Variants in PIGK observed in about 807,000 individuals in gnomAD.
The protein encoded by PIGK is GPI-anchor transamidase.
A neutral mutation model predicts 50.6 loss-of-function variants in PIGK; 42 were observed. That is an observed-to-expected ratio of 0.83 (90% confidence interval 0.65 to 1.07). PIGK has a LOEUF of 1.07. PIGK is among the 50% of genes least tolerant of loss of function. The pLI is 0.00. For missense variants in PIGK, 448 were observed against 488.7 expected, an observed-to-expected ratio of 0.92 and a Z score of 0.78; for synonymous variants, 151 against 156.0, an observed-to-expected ratio of 0.97 and a Z score of 0.24.
chr1:77,205,893 A>T (rs1295802889), intron 3 of PIGK, among the ~76,000 whole-genome samples: 2 of 152,142 alleles, frequency 1.3e-5, no homozygotes, highest in Non-Finnish European at 2.9e-5. Flanking sequence ...CCACTTTACG[A>T]GTCTTCATAT....
intron 1 of PIGK, among the ~76,000 whole-genome samples, chr1:77,211,037 T>A (rs1254391755): frequency 6.6e-6 from 1 of 151,980 alleles, no homozygotes; most frequent in Non-Finnish European, 1.5e-5. Context: ...AGGCTATTAT[T>A]TAAAACTGCA....
At chr1:77,158,656 G>C (rs1055288639) in intron 8 of PIGK, among the ~76,000 whole-genome samples, 1 of 152,204 alleles carries the variant, frequency 6.6e-6, no homozygotes, top group Non-Finnish European at 1.5e-5. Context: ...TTAGCAAAGA[G>C]ACTGGCAGTA....
intron 10 of PIGK, among the ~76,000 whole-genome samples, chr1:77,097,734 CA>C (rs1270470603): frequency 2.0e-5 from 3 of 151,874 alleles, no homozygotes; most frequent in East Asian, 1.9e-4. Flanking sequence ...TATTAGATAT[CA>C]AAAAGCTCCA....
At chr1:77,213,922 T>C (rs1371252578) in intron 1 of PIGK, among the ~76,000 whole-genome samples, 1 of 144,018 alleles carries the variant, frequency 6.9e-6, no homozygotes, top group Non-Finnish European at 1.5e-5. Flanking sequence ...ACAAATACAC[T>C]GGAAAATCTA....
At chr1:77,120,830 G>A (rs554031560) in intron 10 of PIGK, among the ~76,000 whole-genome samples, 1 of 152,274 alleles carries the variant, frequency 6.6e-6, no homozygotes, top group Non-Finnish European at 1.5e-5. Context: ...TATAATGTTT[G>A]TAATTCAGTG....
chr1:77,100,179 C>T (rs186499339), intron 10 of PIGK, among the ~76,000 whole-genome samples: 1 of 152,036 alleles, frequency 6.6e-6, no homozygotes, highest in African/African-American at 2.4e-5. Context: ...TATTGGGAAG[C>T]AAATGGAAAA....
chr1:77,118,352 GCCTCAT>G (rs1654024299), intron 10 of PIGK, among the ~76,000 whole-genome samples: 1 of 151,976 alleles, frequency 6.6e-6, no homozygotes, highest in Admixed American at 6.6e-5. Context: ...GTATCCTCCT[GCCTCAT>G]CCTCCTGAGT....
chr1:77,195,033 C>T, intron 3 of PIGK: 2 of 819,376 alleles, frequency 2.4e-6, no homozygotes, highest in East Asian at 7.3e-5. Flanking sequence ...AGAAGAATAA[C>T]CTGAATCTGC....
chr1:77,218,595 C>T (rs893459511), intron 1 of PIGK, among the ~76,000 whole-genome samples: 12 of 152,126 alleles, frequency 7.9e-5, no homozygotes, highest in Non-Finnish European at 1.6e-4. Context: ...TAAAACTTTG[C>T]ACACGGATTT....
chr1:77,173,778 C>T (rs985387529), intron 3 of PIGK, among the ~76,000 whole-genome samples: 7 of 152,208 alleles, frequency 4.6e-5, no homozygotes, highest in African/African-American at 1.2e-4. Flanking sequence ...TTAAAGACGG[C>T]CCAGCAAGCT....
chr1:77,177,771 T>A (rs1471722249), intron 3 of PIGK, among the ~76,000 whole-genome samples: 5 of 152,186 alleles, frequency 3.3e-5, no homozygotes, highest in Non-Finnish European at 7.3e-5. Flanking sequence ...CTGGATCTTC[T>A]GAAAACATCA....
chr1:77,161,410 G>A lies in PIGK; in HGVS notation c.703-5C>T. 6.8e-7 allele frequency: 1 copy of A among 1,461,490 alleles called. No individual in the cohort carries two copies. Among genetic ancestry groups the A allele is most frequent in the Non-Finnish European group, 9.6e-7 (1 of 1,042,446 alleles). 90.5% of individuals were successfully genotyped at this position (1,461,490 alleles called of 1,614,324 possible). On this transcript the variant is annotated splice_polypyrimidine_tract_variant and splice_region_variant and intron_variant, in intron 7 of 10. Transcript: ENST00000370812. ...AATTGCAGGATCAGGTTGATGCTAT[G>A]GAAAGGGGGAAAAAAAGTATTTCTA...
At chr1:77,191,807 C>A (rs914321829) in intron 3 of PIGK, among the ~76,000 whole-genome samples, 7 of 152,204 alleles carry the variant, frequency 4.6e-5, no homozygotes, top group Admixed American at 1.3e-4. Context: ...GGGCGGATCG[C>A]TTGAGCCCAG....
chr1:77,215,994 G>C (rs182807874), intron 1 of PIGK, among the ~76,000 whole-genome samples: 2 of 152,106 alleles, frequency 1.3e-5, no homozygotes, highest in African/African-American at 4.8e-5. Flanking sequence ...ATTACAGATA[G>C]CAGGAATAAG....
At chr1:77,100,643 C>G (rs1342347159) in intron 10 of PIGK, among the ~76,000 whole-genome samples, 1 of 152,072 alleles carries the variant, frequency 6.6e-6, no homozygotes, top group Non-Finnish European at 1.5e-5. Flanking sequence ...AGGAGATTAT[C>G]CAGGGCATAG....
At chr1:77,215,725 C>T (rs945962276) in intron 1 of PIGK, among the ~76,000 whole-genome samples, 13 of 151,980 alleles carry the variant, frequency 8.6e-5, no homozygotes, top group East Asian at 7.7e-4. Context: ...CGTGCACACA[C>T]GTGTATATAT....
chr1:77,186,275 C>T (rs1570249328), intron 3 of PIGK, among the ~76,000 whole-genome samples: 1 of 152,312 alleles, frequency 6.6e-6, no homozygotes, highest in African/African-American at 2.4e-5. Flanking sequence ...GTGGGCACCA[C>T]CTGAAAGTGG....
chr1:77,174,815 T>C (rs549304000), intron 3 of PIGK, among the ~76,000 whole-genome samples: 6 of 152,302 alleles, frequency 3.9e-5, no homozygotes, highest in African/African-American at 1.4e-4. Flanking sequence ...CTGTAGAAAC[T>C]GCATGTTCCT....
intron 3 of PIGK, among the ~76,000 whole-genome samples, chr1:77,178,136 T>C (rs966767977): frequency 2.6e-5 from 4 of 152,248 alleles, no homozygotes; most frequent in African/African-American, 7.2e-5. Context: ...GCCAGTCTTA[T>C]ATACAGATAA....
Sources: allele counts gnomAD v4.1 joint callset (sites outside exome capture counted in the v4.1 genomes callset), GRCh38; gene constraint gnomAD v4.1.1; transcripts MANE v1.5; gene names NCBI Gene and HGNC (gene_info 2026-07-23, HGNC 2026-07-21).